The following IRF2 variants were observed in gnomAD, a reference collection of about 807,000 sequenced individuals.
IRF2 encodes the protein interferon regulatory factor 2.
IRF2 carries 15 observed loss-of-function variants against 40.6 expected under a neutral mutation model. That is an observed-to-expected ratio of 0.37 (90% CI 0.25 to 0.57). The LOEUF (loss-of-function observed/expected upper bound fraction) is 0.57. IRF2 is among the 20% of genes least tolerant of loss of function. The pLI, the probability that IRF2 is intolerant of heterozygous loss-of-function variation, is 0.77. For missense variants in IRF2, 317 were observed against 455.7 expected (o/e 0.70, Z 2.77); for synonymous variants, 151 against 165.5 (o/e 0.91, Z 0.67).
At position 184,387,738 on chromosome 4, in the gene IRF2, A is replaced by G. The variant is rs1453505239; in HGVS notation, c.*1020T>C. On this transcript the variant is annotated 3_prime_UTR_variant, in exon 9 of 9. Coordinates refer to ENST00000393593, the MANE Select transcript of IRF2 (RefSeq NM_002199.4). ...TGATGCCCCTTAAAAATTTAACTAT[A>G]TATCATATTCATTTATTATCAATCC... The G allele has an allele frequency of 6.6e-6, 1 of 152,554 alleles. No individual in the cohort carries two copies. The highest frequency in any genetic ancestry group is 1.5e-5 in the Non-Finnish European group (1 of 68,040). 9.5% of individuals were successfully genotyped at this position (152,554 alleles called of 1,614,324 possible).
At chr4:184,419,824 T>C (rs542505123) in intron 2 of IRF2, among the ~76,000 whole-genome samples, 2 of 152,336 alleles carry the variant, frequency 1.3e-5, no homozygotes, top group Admixed American at 1.3e-4. Flanking sequence ...TCAAAGGTGA[T>C]GATTTGACCT....
intron 1 of IRF2, among the ~76,000 whole-genome samples, chr4:184,442,360 C>CT (rs1351323048): frequency 6.6e-6 from 1 of 152,210 alleles, no homozygotes. Context: ...ACCAGAGGGG[C>CT]TTTTTCCTGG....
chr4:184,390,580 GA>G (rs1327365858), intron 8 of IRF2, 122 bp downstream of exon 8: 1 of 942,736 alleles, frequency 1.1e-6, no homozygotes, highest in Non-Finnish European at 1.7e-6. Context: ...CACCACACAA[GA>G]AAATCCCAAA....
At chr4:184,424,409 G>A (rs188252697) in intron 2 of IRF2, among the ~76,000 whole-genome samples, 1 of 152,328 alleles carries the variant, frequency 6.6e-6, no homozygotes, top group African/African-American at 2.4e-5. Flanking sequence ...GCAGTACTGA[G>A]AGGTGAGGCC....
chr4:184,401,158 T>G (rs1218296265), intron 6 of IRF2, among the ~76,000 whole-genome samples: 1 of 152,252 alleles, frequency 6.6e-6, no homozygotes, highest in Non-Finnish European at 1.5e-5. Flanking sequence ...CGCATTCCAG[T>G]CTCCTTGAGA....
chr4:184,394,537 C>T (rs1210075090), intron 7 of IRF2, among the ~76,000 whole-genome samples: 2 of 152,180 alleles, frequency 1.3e-5, no homozygotes, highest in African/African-American at 4.8e-5. Context: ...AATCTCAAAG[C>T]GATTGTGTCT....
chr4:184,452,681 G>A (rs1013266357), intron 1 of IRF2, among the ~76,000 whole-genome samples: 1 of 146,766 alleles, frequency 6.8e-6, no homozygotes, highest in Non-Finnish European at 1.5e-5. Context: ...CGAAGCAGGA[G>A]GTTCATTTGA....
At chr4:184,443,605 G>A (rs1002018680) in intron 1 of IRF2, among the ~76,000 whole-genome samples, 5 of 147,052 alleles carry the variant, frequency 3.4e-5, no homozygotes, top group African/African-American at 1.3e-4. Context: ...TTCTTTATCC[G>A]GTCCACTGCT....
At chr4:184,414,395 G>A (rs1295149390) in intron 5 of IRF2, among the ~76,000 whole-genome samples, 4 of 152,218 alleles carry the variant, frequency 2.6e-5, no homozygotes, top group African/African-American at 4.8e-5. Flanking sequence ...AGGCTGGAGC[G>A]CAGTGGTGCA....
intron 2 of IRF2, among the ~76,000 whole-genome samples, chr4:184,426,516 C>G (rs2149903125): frequency 6.6e-6 from 1 of 152,294 alleles, no homozygotes; most frequent in Middle Eastern, 3.4e-3. Flanking sequence ...AGGATGATTT[C>G]ATCTCAAGGT....
chr4:184,402,130 A>G (rs1371872013), intron 6 of IRF2, among the ~76,000 whole-genome samples: 1 of 152,250 alleles, frequency 6.6e-6, no homozygotes, highest in East Asian at 1.9e-4. Context: ...ATACATGGCT[A>G]TAGGCCAGCG....
intron 1 of IRF2, among the ~76,000 whole-genome samples, chr4:184,429,421 A>G (rs1274967472): frequency 6.6e-6 from 1 of 152,172 alleles, no homozygotes; most frequent in Non-Finnish European, 1.5e-5. Flanking sequence ...CAGAGGCCCC[A>G]ACGCCTTTGG....
At chr4:184,429,727 C>T (rs770012677) in intron 1 of IRF2, among the ~76,000 whole-genome samples, 34 of 152,156 alleles carry the variant, frequency 2.2e-4, no homozygotes, top group Non-Finnish European at 3.8e-4. Context: ...TCAATGCCAG[C>T]CTCCCCGCTG....
chr4:184,422,230 A>G (rs923521311), intron 2 of IRF2, among the ~76,000 whole-genome samples: 3 of 152,236 alleles, frequency 2.0e-5, no homozygotes, highest in African/African-American at 7.2e-5. Context: ...CCTTTGTAGC[A>G]ACATGAAACA....
chr4:184,390,863 C>A (rs1446108846), intron 7 of IRF2, 114 bp from the exon 8 acceptor site: 2 of 1,006,656 alleles, frequency 2.0e-6, no homozygotes, highest in East Asian at 2.4e-5. Context: ...ACCTCCCTCC[C>A]TTTGTAAAGC....
intron 1 of IRF2, among the ~76,000 whole-genome samples, chr4:184,454,532 A>G (rs1438400821): frequency 1.3e-5 from 2 of 152,218 alleles, no homozygotes; most frequent in African/African-American, 4.8e-5. Flanking sequence ...CTGTCTTCAA[A>G]TATTTTTGGA....
chr4:184,396,428 T>A (rs6825125), intron 7 of IRF2, among the ~76,000 whole-genome samples: 17,175 of 103,540 alleles, frequency 0.17, 1,099 homozygotes, highest in African/African-American at 0.24. Flanking sequence ...ATATATATAT[T>A]TTTTTTTCTT....
chr4:184,419,630 C>T (rs1737409266), intron 2 of IRF2, 62 bp from the exon 3 acceptor site: 3 of 1,173,350 alleles, frequency 2.6e-6, no homozygotes, highest in Non-Finnish European at 2.5e-6. Context: ...CCCACCATTG[C>T]AAAAGGTTGT....
rs890637869 is a variant in IRF2 at position 184,387,767 on chromosome 4, G to A, written c.*991C>T. 3 of 151,856 alleles carry A rather than the reference G, an allele frequency of 2.0e-5. No homozygotes were observed. Among genetic ancestry groups the A allele is most frequent in the Non-Finnish European group, 4.4e-5 (3 of 67,966 alleles). The allele number at this position is 151,856 out of a possible 1,614,324, so 9.4% of individuals were successfully genotyped here. On this transcript the variant is annotated 3_prime_UTR_variant, in exon 9 of 9. Transcript: ENST00000393593. ...CATATTCATTTATTATCAATCCACAGGAAAATCTGATTGCTACATGAGCTC... is the reference window on the plus strand; with the variant it reads ...CATATTCATTTATTATCAATCCACAAGAAAATCTGATTGCTACATGAGCTC...
Sources: allele counts gnomAD v4.1 joint callset (sites outside exome capture counted in the v4.1 genomes callset), GRCh38; gene constraint gnomAD v4.1.1; transcripts MANE v1.5; gene names NCBI Gene and HGNC (gene_info 2026-07-23, HGNC 2026-07-21).